The following PRKCE variants were observed in gnomAD, a reference collection of about 807,000 sequenced individuals.
PRKCE encodes protein kinase C epsilon type.
A neutral mutation model predicts 85.4 loss-of-function variants in PRKCE; 16 were observed. The ratio of observed to expected loss-of-function variants is 0.19; its 90% CI spans 0.13 to 0.28. The LOEUF (loss-of-function observed/expected upper bound fraction) is 0.28, where lower values mean the gene tolerates loss of function less well. Among genes scored for constraint, PRKCE ranks in the 10% least tolerant of loss-of-function variants. PRKCE has a pLI of 1.00. For synonymous variants in PRKCE, 388 were observed against 371.5 expected, an observed-to-expected ratio of 1.04 and a Z score of -0.51; for missense variants, 573 against 975.2, an observed-to-expected ratio of 0.59 and a Z score of 5.49.
intron 2 of PRKCE, among the ~76,000 whole-genome samples, chr2:45,852,275 C>G (rs1692330452): frequency 6.6e-6 from 1 of 152,206 alleles, no homozygotes; most frequent in Non-Finnish European, 1.5e-5. Flanking sequence ...GAAATGTTCT[C>G]TGCAACAAAA....
chr2:45,663,310 G>A (rs550854170), intron 1 of PRKCE, among the ~76,000 whole-genome samples: 3 of 152,172 alleles, frequency 2.0e-5, no homozygotes, highest in African/African-American at 7.2e-5. Flanking sequence ...TGGGCCATTC[G>A]GAAAATCAAG....
chr2:46,119,416 G>T (rs991289362), intron 11 of PRKCE, among the ~76,000 whole-genome samples: 4 of 152,062 alleles, frequency 2.6e-5, no homozygotes, highest in Non-Finnish European at 5.9e-5. Context: ...AATAAAGTGG[G>T]TGGGGGGAGA....
At chr2:45,986,063 G>C (rs148939155) in intron 6 of PRKCE, among the ~76,000 whole-genome samples, 2 of 152,268 alleles carry the variant, frequency 1.3e-5, no homozygotes, top group African/African-American at 4.8e-5. Flanking sequence ...CCAAGGCAAT[G>C]AGAGGGAAGC....
chr2:45,943,922 A>G (rs1700057465), intron 2 of PRKCE, among the ~76,000 whole-genome samples: 2 of 152,238 alleles, frequency 1.3e-5, no homozygotes, highest in Admixed American at 1.3e-4. Context: ...CAAGCTAGAA[A>G]AGGCACAGAG....
At chr2:45,821,287 A>G (rs1364874085) in intron 1 of PRKCE, among the ~76,000 whole-genome samples, 1 of 152,226 alleles carries the variant, frequency 6.6e-6, no homozygotes, top group Non-Finnish European at 1.5e-5. Flanking sequence ...TATCTCCCCT[A>G]AGTTAGAGTT....
chr2:45,881,381 CT>C (rs1694878968), intron 2 of PRKCE, among the ~76,000 whole-genome samples: 1 of 152,102 alleles, frequency 6.6e-6, no homozygotes, highest in Admixed American at 6.5e-5. Flanking sequence ...TCTTAAAACA[CT>C]TAGATGGACA....
intron 14 of PRKCE, among the ~76,000 whole-genome samples, chr2:46,175,668 C>T (rs1256243342): frequency 3.9e-5 from 6 of 152,218 alleles, no homozygotes; most frequent in African/African-American, 1.4e-4. Context: ...CACTAAGCTA[C>T]CTCTCACAGA....
chr2:45,972,152 T>A (rs1702152287), intron 2 of PRKCE, among the ~76,000 whole-genome samples: 1 of 152,226 alleles, frequency 6.6e-6, no homozygotes, highest in Admixed American at 6.5e-5. Flanking sequence ...ATCATAGCCA[T>A]CTTAACAGGT....
intron 2 of PRKCE, among the ~76,000 whole-genome samples, chr2:45,922,062 C>T (rs922496632): frequency 6.6e-5 from 10 of 152,128 alleles, no homozygotes; most frequent in African/African-American, 2.4e-4. Context: ...GGGAATTCTT[C>T]CTCTATGGGA....
rs1221400759 is a variant in PRKCE at position 46,096,537 on chromosome 2, A to C, written c.1592+10175A>C. 2.6e-5 allele frequency among the ~76,000 whole-genome samples: 4 copies of C among 152,172 alleles called. No individual in the cohort carries two copies. In the East Asian group the frequency reaches 7.7e-4, roughly 29 times the overall value. On this transcript the variant is annotated intron_variant, in intron 11 of 14. Transcript: ENST00000306156. ...AATCCAATATGACTGATGTCCTTAT[A>C]AGAAGAGGAGGTTAGGACACAGACA... is the stretch of plus-strand genomic sequence containing the variant.
At chr2:46,108,115 A>G (rs1199449297) in intron 11 of PRKCE, among the ~76,000 whole-genome samples, 1 of 152,040 alleles carries the variant, frequency 6.6e-6, no homozygotes, top group Admixed American at 6.6e-5. Flanking sequence ...TTTTTTTGAG[A>G]CAGGGTGTCG....
chr2:45,902,779 C>T (rs184035293), intron 2 of PRKCE, among the ~76,000 whole-genome samples: 1 of 152,294 alleles, frequency 6.6e-6, no homozygotes, highest in East Asian at 1.9e-4. Flanking sequence ...AAAATATTTA[C>T]ATTTCTGATA....
chr2:45,843,103 G>C (rs760489725), intron 2 of PRKCE, 40 bp downstream of exon 2: 1 of 1,580,024 alleles, frequency 6.3e-7, no homozygotes, highest in South Asian at 1.1e-5. Flanking sequence ...TTCTTCCATT[G>C]GCCCTTTGCC....
At position 45,774,465 on chromosome 2, in the gene PRKCE, T is replaced by C. The variant is rs80066050; in HGVS notation, c.349-68535T>C. 0.084 allele frequency among the ~76,000 whole-genome samples: 12,829 copies of C among 152,148 alleles called. 1,892 individuals carry two copies. Among genetic ancestry groups the C allele is most frequent in the African/African-American group, 0.29 (12,201 of 41,458 alleles). The stretch of plus-strand genomic sequence containing the variant: ...ACGGCTTTAGAGACCGAGTGCCCGC[T>C]TTTTCTCTCTTTTTGATAAATTCTC... On this transcript the variant is annotated intron_variant, in intron 1 of 14. Transcript: ENST00000306156. The surrounding 1 kb of genome is among the most constrained non-coding windows in gnomAD (Gnocchi z 4.3).
chr2:45,845,921 G>A (rs1332726729), intron 2 of PRKCE, among the ~76,000 whole-genome samples: 27 of 152,212 alleles, frequency 1.8e-4, no homozygotes, highest in Admixed American at 1.2e-3. Flanking sequence ...ATCTGTCAGA[G>A]CTCGTGGCTG....
At chr2:45,900,710 G>T (rs79305486) in intron 2 of PRKCE, among the ~76,000 whole-genome samples, 2 of 152,204 alleles carry the variant, frequency 1.3e-5, no homozygotes, top group African/African-American at 4.8e-5. Flanking sequence ...TTTCACAACA[G>T]TGTGAATGTA....
At chr2:45,932,714 A>G (rs554848746) in intron 2 of PRKCE, among the ~76,000 whole-genome samples, 21 of 152,344 alleles carry the variant, frequency 1.4e-4, no homozygotes, top group South Asian at 1.2e-3. Context: ...CTGGACAACC[A>G]TGACCACTAT....
intron 10 of PRKCE, among the ~76,000 whole-genome samples, chr2:46,062,668 CTTTTTT>C (rs71394871): frequency 2.7e-5 from 2 of 73,258 alleles, no homozygotes; most frequent in African/African-American, 1.2e-4. Flanking sequence ...AAAGCTCAGC[CTTTTTT>C]TTTTTTTTTT....
At chr2:45,868,839 T>TTAC (rs1352427180) in intron 2 of PRKCE, among the ~76,000 whole-genome samples, 1 of 151,260 alleles carries the variant, frequency 6.6e-6, no homozygotes, top group Non-Finnish European at 1.5e-5. Flanking sequence ...ATGCCTGTAA[T>TTAC]CCCAGCTACT....
Sources: gnomAD v4.1 joint callset for allele counts (sites outside exome capture counted in the v4.1 genomes callset) on GRCh38, gnomAD v4.1.1 for gene constraint, Gnocchi (gnomAD v3.1) non-coding constraint, MANE v1.5 for transcripts, NCBI Gene and HGNC (gene_info 2026-07-23, HGNC 2026-07-21) for gene names.